PALM2AKAP2: variants seen among roughly 807,000 people sequenced by gnomAD.
PALM2AKAP2 encodes the protein PALM2 and AKAP2 fusion.
PALM2AKAP2 carries 37 observed loss-of-function variants against 71.5 expected under a neutral mutation model. The ratio of observed to expected loss-of-function variants is 0.52; its 90% CI spans 0.40 to 0.68. The LOEUF (loss-of-function observed/expected upper bound fraction) is 0.68. Ranked by LOEUF, PALM2AKAP2 falls within the 30% of genes least tolerant of loss-of-function variation. The pLI, the probability that PALM2AKAP2 is intolerant of heterozygous loss-of-function variation, is 0.00. For missense variants in PALM2AKAP2, 1,224 were observed against 1,191.8 expected, an observed-to-expected ratio of 1.03 and a Z score of -0.40; for synonymous variants, 468 against 478.8, an observed-to-expected ratio of 0.98 and a Z score of 0.29.
chr9:109,661,380 T>A (rs1433986297), intron 1 of PALM2AKAP2, among the ~76,000 whole-genome samples: 6 of 152,136 alleles, frequency 3.9e-5, no homozygotes, highest in African/African-American at 1.2e-4. Context: ...CTTTATACAT[T>A]TGACTAGCCA....
At chr9:110,157,653 G>C (rs1243157208) in intron 3 of PALM2AKAP2, among the ~76,000 whole-genome samples, 1 of 152,100 alleles carries the variant, frequency 6.6e-6, no homozygotes, top group Non-Finnish European at 1.5e-5. Context: ...TCCCACCCCA[G>C]CCTCCTAAAG....
intron 1 of PALM2AKAP2, among the ~76,000 whole-genome samples, chr9:109,645,714 A>G (rs1452010667): frequency 6.7e-6 from 1 of 149,534 alleles, no homozygotes; most frequent in Non-Finnish European, 1.5e-5. Context: ...GTACACATGG[A>G]CATAAAGATG....
chr9:110,003,539 A>G (rs756777787), intron 6 of PALM2AKAP2, among the ~76,000 whole-genome samples: 1 of 152,166 alleles, frequency 6.6e-6, no homozygotes, highest in African/African-American at 2.4e-5. Context: ...GTAGATGTCT[A>G]TTAGGTCCAC....
In PALM2AKAP2 at chr9:109,957,918, C is replaced by T. The variant is rs565846500; in HGVS notation, c.496+25890C>T. Among the ~76,000 whole-genome samples the T allele has an allele frequency of 2.6e-5, 4 of 152,290 alleles. No homozygotes were observed. The South Asian group carries it at 8.3e-4, about 32-fold the overall frequency. ...TGAGTCCGGGCTATGATTCTTGCCT[C>T]AATTCTGCAAGCCAAGAAAAACGGG... is the stretch of plus-strand genomic sequence containing the variant. On this transcript the variant is annotated intron_variant, in intron 6 of 9. Transcript: ENST00000302798.
rs192379453 is a variant in PALM2AKAP2, at chr9:109,835,113, C to T, written c.46-32378C>T. 2.4e-3 allele frequency among the ~76,000 whole-genome samples: 367 copies of T among 151,550 alleles called. 4 individuals are homozygous for T. Among genetic ancestry groups the T allele is most frequent in the African/African-American group, 8.3e-3 (341 of 41,254 alleles). On this transcript the variant is annotated intron_variant, in intron 1 of 9. Coordinates refer to the PALM2AKAP2 transcript ENST00000302798. ...ACACCTGGCATTTGTGTTTAACAGC[C>T]CCAGTGGTTGAGAAGCAGAGGGGAC...
At chr9:109,701,460 C>A (rs1177131260) in intron 1 of PALM2AKAP2, among the ~76,000 whole-genome samples, 1 of 152,220 alleles carries the variant, frequency 6.6e-6, no homozygotes, top group East Asian at 1.9e-4. Flanking sequence ...ACCATTTGAT[C>A]TTTGACAAAC....
At chr9:109,800,820 C>T (rs1827408316) in intron 1 of PALM2AKAP2, among the ~76,000 whole-genome samples, 1 of 152,116 alleles carries the variant, frequency 6.6e-6, no homozygotes, top group Admixed American at 6.5e-5. Context: ...AATACAATTT[C>T]CTTTTATAGT....
chr9:110,133,434 G>A (rs1183555446), intron 1 of PALM2AKAP2, among the ~76,000 whole-genome samples: 2 of 152,050 alleles, frequency 1.3e-5, no homozygotes, highest in Non-Finnish European at 1.5e-5. Context: ...GGAGCTTATT[G>A]TTGCTGCTAA....
chr9:109,975,458 C>T (rs1476633624), intron 6 of PALM2AKAP2, among the ~76,000 whole-genome samples: 1 of 152,240 alleles, frequency 6.6e-6, no homozygotes, highest in East Asian at 1.9e-4. Context: ...TCTTTTTACT[C>T]AGTCTACCAA....
intron 1 of PALM2AKAP2, among the ~76,000 whole-genome samples, chr9:109,664,386 G>A (rs1827446336): frequency 6.6e-6 from 1 of 152,112 alleles, no homozygotes; most frequent in African/African-American, 2.4e-5. Context: ...CAGGCCTGGT[G>A]GTGACAAAAT....
chr9:109,905,004 T>C (rs530665001), intron 3 of PALM2AKAP2, among the ~76,000 whole-genome samples: 4 of 152,310 alleles, frequency 2.6e-5, no homozygotes, highest in African/African-American at 7.2e-5. Context: ...TGAATCATTT[T>C]GTATCTGGAG....
At chr9:110,093,187 C>T (rs1834755992) in intron 1 of PALM2AKAP2, among the ~76,000 whole-genome samples, 1 of 152,160 alleles carries the variant, frequency 6.6e-6, no homozygotes, top group African/African-American at 2.4e-5. Context: ...TTATAAACAC[C>T]TACCCTAGGC....
At chr9:109,958,456 A>G (rs1440834717) in intron 6 of PALM2AKAP2, among the ~76,000 whole-genome samples, 1 of 152,136 alleles carries the variant, frequency 6.6e-6, no homozygotes, top group East Asian at 1.9e-4. Context: ...AGAGGAAGTC[A>G]TTTTTCCTCT....
rs140848537 is a variant in PALM2AKAP2, at chr9:109,731,342, T to C, written c.6-49146T>C. Reference sequence around the variant, plus strand: ...AATGATGCAGTTGTCAAACTTCTTATAGTAGTTTAGTTCTCAACAAATTCA... The same window carrying C: ...AATGATGCAGTTGTCAAACTTCTTACAGTAGTTTAGTTCTCAACAAATTCA... On this transcript the variant is annotated intron_variant, in intron 1 of 6. Coordinates refer to the PALM2AKAP2 transcript ENST00000374531. Among the ~76,000 whole-genome samples the C allele has an allele frequency of 2.6e-5, 4 of 152,338 alleles. No individual in the cohort carries two copies. In the East Asian group the frequency reaches 7.7e-4, roughly 29 times the overall value.
chr9:110,079,340 A>T (rs185765784), intron 1 of PALM2AKAP2, among the ~76,000 whole-genome samples: 301 of 152,112 alleles, frequency 2.0e-3, no homozygotes, highest in African/African-American at 6.5e-3. Flanking sequence ...TACTAAAAAT[A>T]AAAAAATTAG....
chr9:109,894,231 G>A (rs1018122298), intron 3 of PALM2AKAP2, among the ~76,000 whole-genome samples: 5 of 152,160 alleles, frequency 3.3e-5, no homozygotes, highest in South Asian at 2.1e-4. Context: ...CCAGCTATTC[G>A]GAAGGCTGAG....
intron 1 of PALM2AKAP2, among the ~76,000 whole-genome samples, chr9:110,097,975 A>C (rs1290811645): frequency 6.9e-6 from 1 of 144,024 alleles, no homozygotes; most frequent in African/African-American, 2.8e-5. Flanking sequence ...CCCGGCCAAC[A>C]CAGCGAAACC....
chr9:109,962,642 ATTT>A (rs397894684), intron 6 of PALM2AKAP2, among the ~76,000 whole-genome samples: 1 of 142,916 alleles, frequency 7.0e-6, no homozygotes, highest in African/African-American at 2.6e-5. Context: ...AACTGTGCCA[ATTT>A]TTTTTTTTTT....
At chr9:109,972,047 A>G (rs1832078739) in intron 6 of PALM2AKAP2, among the ~76,000 whole-genome samples, 1 of 152,194 alleles carries the variant, frequency 6.6e-6, no homozygotes, top group South Asian at 2.1e-4. Flanking sequence ...TGTTCAGAAG[A>G]CCTTGTAATC....
Sources: gnomAD v4.1 joint callset for allele counts (sites outside exome capture counted in the v4.1 genomes callset) on GRCh38, gnomAD v4.1.1 for gene constraint, MANE v1.5 for transcripts, NCBI Gene and HGNC (gene_info 2026-07-23, HGNC 2026-07-21) for gene names.